Variants in CDKAL1 observed in about 807,000 individuals in gnomAD.
The protein encoded by CDKAL1 is CDKAL1 threonylcarbamoyladenosine tRNA methylthiotransferase, also known as threonylcarbamoyladenosine tRNA methylthiotransferase.
In CDKAL1, 32 loss-of-function variants were observed where a neutral mutation model predicts 68.2. The observed-to-expected ratio is 0.47, with a 90% CI of 0.35 to 0.63. CDKAL1 has a LOEUF of 0.63. CDKAL1 is among the 30% of genes least tolerant of loss of function. CDKAL1 has a pLI of 0.00. For synonymous variants in CDKAL1, 234 were observed against 244.3 expected (o/e 0.96, Z 0.39); for missense variants, 606 against 696.7 (o/e 0.87, Z 1.47).
chr6:20,892,429 T>A (rs1761457550), intron 9 of CDKAL1, among the ~76,000 whole-genome samples: 1 of 152,224 alleles, frequency 6.6e-6, no homozygotes, highest in African/African-American at 2.4e-5. Context: ...TTTTAAGGTA[T>A]GGTAATAATG....
chr6:20,688,426 G>GT (rs770282412), intron 5 of CDKAL1, among the ~76,000 whole-genome samples: 2,095 of 145,434 alleles, frequency 0.014, 30 homozygotes, highest in African/African-American at 0.039. Context: ...GGTTTCTTTC[G>GT]TTTTTTTTTT....
intron 13 of CDKAL1, among the ~76,000 whole-genome samples, chr6:21,189,922 A>G (rs1294110297): frequency 6.6e-6 from 1 of 152,206 alleles, no homozygotes; most frequent in Non-Finnish European, 1.5e-5. Flanking sequence ...GAGGAATCAA[A>G]ATGGAAAGGT....
chr6:20,700,012 C>T (rs1003866869), intron 5 of CDKAL1, among the ~76,000 whole-genome samples: 15 of 150,708 alleles, frequency 1.0e-4, no homozygotes, highest in Admixed American at 2.0e-4. Flanking sequence ...CATCCCTCCC[C>T]GTTTCTAAAT....
chr6:20,722,183 T>C (rs1772409939), intron 5 of CDKAL1: 1 of 152,256 alleles, frequency 6.6e-6, no homozygotes, highest in Admixed American at 6.5e-5. Flanking sequence ...TCAGCTTTCA[T>C]TTGCTGTGAA....
At chr6:21,045,300 C>T (rs1337066604) in intron 11 of CDKAL1, among the ~76,000 whole-genome samples, 3 of 152,080 alleles carry the variant, frequency 2.0e-5, no homozygotes, top group East Asian at 1.9e-4. Flanking sequence ...TATCAAGCAC[C>T]GCTATAGTTA....
chr6:20,987,954 T>TG (rs1448319371), intron 10 of CDKAL1, among the ~76,000 whole-genome samples: 136 of 151,360 alleles, frequency 9.0e-4, no homozygotes, highest in Non-Finnish European at 1.6e-3. Flanking sequence ...TTTTTTTTTT[T>TG]TTTTTTTCAC....
At chr6:21,001,669 G>C (rs1016593840) in intron 11 of CDKAL1, among the ~76,000 whole-genome samples, 1 of 152,238 alleles carries the variant, frequency 6.6e-6, no homozygotes, top group Non-Finnish European at 1.5e-5. Flanking sequence ...AAAGAATATA[G>C]ATTTTTATTT....
intron 10 of CDKAL1, among the ~76,000 whole-genome samples, chr6:20,995,260 A>T (rs1402435894): frequency 6.6e-6 from 1 of 152,198 alleles, no homozygotes; most frequent in Non-Finnish European, 1.5e-5. Flanking sequence ...ACTCCTGTTT[A>T]TATTGATATT....
chr6:20,949,307 A>C (rs1003509435), intron 9 of CDKAL1, among the ~76,000 whole-genome samples: 1 of 152,230 alleles, frequency 6.6e-6, no homozygotes, highest in Admixed American at 6.5e-5. Context: ...CTATGCAAGA[A>C]ACTTTGCAAC....
chr6:21,200,980 T>C lies in CDKAL1; in HGVS notation c.1384-130T>C, dbSNP rs1189995598. The C allele has an allele frequency of 3.5e-5, 25 of 719,972 alleles. 2 individuals carry two copies. The South Asian group carries it at 6.7e-4, about 19-fold the overall frequency. 44.6% of individuals were successfully genotyped at this position (719,972 alleles called of 1,614,324 possible). ...TATACTAATGTAAGACGGTAAATAA[T>C]AAGAAAACTGGGAGTTAGGTATACA... On this transcript the variant is annotated intron_variant, in intron 14 of 15. Coordinates refer to ENST00000274695, the MANE Select transcript of CDKAL1 (RefSeq NM_017774.3).
intron 14 of CDKAL1, among the ~76,000 whole-genome samples, chr6:21,200,644 G>C (rs973046883): frequency 6.6e-6 from 1 of 152,192 alleles, no homozygotes; most frequent in African/African-American, 2.4e-5. Flanking sequence ...GATATCAAAG[G>C]CCTGTCCAGA....
intron 8 of CDKAL1, among the ~76,000 whole-genome samples, chr6:20,788,994 G>A (rs1439732036): frequency 6.6e-6 from 1 of 152,160 alleles, no homozygotes; most frequent in Non-Finnish European, 1.5e-5. Context: ...TTTCTTAAAT[G>A]CAGAAAAAAT....
chr6:20,753,740 A>C (rs974329844), intron 6 of CDKAL1, among the ~76,000 whole-genome samples: 12 of 143,380 alleles, frequency 8.4e-5, no homozygotes, highest in Admixed American at 1.4e-4. Context: ...GCTATTATGA[A>C]CATTTGTGTA....
intron 10 of CDKAL1, among the ~76,000 whole-genome samples, chr6:20,994,808 C>T (rs1048137385): frequency 1.3e-5 from 2 of 152,052 alleles, no homozygotes; most frequent in South Asian, 2.1e-4. Flanking sequence ...GAGCCTTCAG[C>T]GAGTTATTAT....
intron 15 of CDKAL1, among the ~76,000 whole-genome samples, chr6:21,208,017 C>CT (rs56674577): frequency 0.076 from 11,139 of 146,340 alleles, 868 homozygotes; most frequent in African/African-American, 0.21. Context: ...CTCTTTATGT[C>CT]TTTTTTTTTT....
chr6:20,937,104 T>C (rs543118135), intron 9 of CDKAL1, among the ~76,000 whole-genome samples: 17 of 152,348 alleles, frequency 1.1e-4, no homozygotes, highest in African/African-American at 4.1e-4. Flanking sequence ...TTTCTTTTTT[T>C]TAAAGACAGT....
chr6:21,222,886 C>A (rs1779587007), intron 15 of CDKAL1, among the ~76,000 whole-genome samples: 2 of 152,078 alleles, frequency 1.3e-5, no homozygotes, highest in South Asian at 4.2e-4. Context: ...ACCAACTGTT[C>A]CTCATTAAAA....
chr6:20,610,532 A>T (rs1179779350), intron 4 of CDKAL1, among the ~76,000 whole-genome samples: 3 of 150,788 alleles, frequency 2.0e-5, no homozygotes, highest in Non-Finnish European at 4.4e-5. Context: ...CTTTGAAATT[A>T]TATTTGGCTC....
intron 5 of CDKAL1, among the ~76,000 whole-genome samples, chr6:20,735,533 G>C (rs1190037834): frequency 6.6e-6 from 1 of 152,198 alleles, no homozygotes; most frequent in Non-Finnish European, 1.5e-5. Context: ...CTCCTCCCGT[G>C]ATATGTGAGT....
Sources: allele counts gnomAD v4.1 joint callset (sites outside exome capture counted in the v4.1 genomes callset), GRCh38; gene constraint gnomAD v4.1.1; transcripts MANE v1.5; gene names NCBI Gene and HGNC (gene_info 2026-07-23, HGNC 2026-07-21).